Variants in NEO1 observed in about 807,000 individuals in gnomAD.
NEO1 encodes the protein neogenin 1.
In NEO1, 63 loss-of-function variants were observed where a neutral mutation model predicts 159.7. That is an observed-to-expected ratio of 0.39 (90% confidence interval 0.32 to 0.49). NEO1 has a LOEUF of 0.49. Among genes scored for constraint, NEO1 ranks in the 20% least tolerant of loss-of-function variants. NEO1 has a pLI of 0.85. For synonymous variants in NEO1, 633 were observed against 662.0 expected (o/e 0.96, Z 0.67); for missense variants, 1,615 against 1,831.0 (o/e 0.88, Z 2.15).
chr15:73,224,444 A>G (rs8039262), intron 7 of NEO1, among the ~76,000 whole-genome samples: 479 of 152,270 alleles, frequency 3.1e-3, no homozygotes, highest in African/African-American at 0.011. Flanking sequence ...AGGAACACCA[A>G]TTATTCTTAG....
intron 8 of NEO1, among the ~76,000 whole-genome samples, chr15:73,239,479 C>T (rs192585782): frequency 2.0e-5 from 3 of 152,252 alleles, no homozygotes; most frequent in Admixed American, 6.5e-5. Context: ...AATATACAAT[C>T]GTGCATCACA....
chr15:73,265,604 C>G (rs969711381), intron 15 of NEO1, among the ~76,000 whole-genome samples: 2 of 152,336 alleles, frequency 1.3e-5, no homozygotes, highest in South Asian at 2.1e-4. Context: ...GTGAATGACA[C>G]TGCTATCTAC....
intron 27 of NEO1, among the ~76,000 whole-genome samples, chr15:73,299,057 AG>A (rs1307583068): frequency 6.6e-6 from 1 of 152,178 alleles, no homozygotes; most frequent in Non-Finnish European, 1.5e-5. Context: ...AATCCTGTGA[AG>A]GGAAAGTCAT....
intron 1 of NEO1, among the ~76,000 whole-genome samples, chr15:73,053,233 T>C (rs1380988264): frequency 6.6e-6 from 1 of 152,142 alleles, no homozygotes; most frequent in Non-Finnish European, 1.5e-5. Context: ...GGGCTTGAGC[T>C]CCTGGTTCCC....
At chr15:73,210,857 T>C (rs1302510695) in intron 7 of NEO1, among the ~76,000 whole-genome samples, 1 of 152,212 alleles carries the variant, frequency 6.6e-6, no homozygotes, top group Non-Finnish European at 1.5e-5. Context: ...ACGCACTATA[T>C]AAGCTCATGT....
At chr15:73,113,911 G>A (rs2071145294) in intron 1 of NEO1, among the ~76,000 whole-genome samples, 1 of 152,060 alleles carries the variant, frequency 6.6e-6, no homozygotes, top group Non-Finnish European at 1.5e-5. Context: ...AAAAGAAATA[G>A]GATGGTTAGC....
chr15:73,098,695 A>G (rs1389400743), intron 1 of NEO1, among the ~76,000 whole-genome samples: 1 of 152,224 alleles, frequency 6.6e-6, no homozygotes, highest in African/African-American at 2.4e-5. Flanking sequence ...TACTACAAGT[A>G]GTGGTACAGT....
intron 5 of NEO1, among the ~76,000 whole-genome samples, chr15:73,159,839 A>G (rs2034043461): frequency 6.6e-6 from 1 of 152,170 alleles, no homozygotes; most frequent in South Asian, 2.1e-4. Flanking sequence ...ATTTTTATAG[A>G]TATTACTAAA....
chr15:73,258,404 A>T (rs1390074479), intron 13 of NEO1, among the ~76,000 whole-genome samples: 1 of 151,860 alleles, frequency 6.6e-6, no homozygotes, highest in Non-Finnish European at 1.5e-5. Context: ...CTTTTTTATA[A>T]CTCTTTCATT....
chr15:73,247,890 A>G (rs954846541), intron 9 of NEO1, among the ~76,000 whole-genome samples: 4 of 152,188 alleles, frequency 2.6e-5, no homozygotes, highest in African/African-American at 9.7e-5. Flanking sequence ...CCAGCTAGAC[A>G]CTTAAGCAGT....
At chr15:73,090,836 C>T (rs1301041249) in intron 1 of NEO1, among the ~76,000 whole-genome samples, 1 of 152,080 alleles carries the variant, frequency 6.6e-6, no homozygotes, top group African/African-American at 2.4e-5. Context: ...AAATTACACC[C>T]TATAGCATAT....
At chr15:73,089,383 T>G in intron 1 of NEO1, among the ~76,000 whole-genome samples, 1 of 152,246 alleles carries the variant, frequency 6.6e-6, no homozygotes, top group South Asian at 2.1e-4. Flanking sequence ...TCCTAGGCAA[T>G]ATTTTTTTTT....
intron 14 of NEO1, among the ~76,000 whole-genome samples, chr15:73,260,005 T>G (rs2040547078): frequency 6.6e-6 from 1 of 152,060 alleles, no homozygotes; most frequent in Non-Finnish European, 1.5e-5. Context: ...GAGGTTCTTG[T>G]ATCTCTTTGT....
chr15:73,288,734 A>C (rs1175258655), intron 24 of NEO1, among the ~76,000 whole-genome samples, 183 bp downstream of exon 24: 1 of 151,956 alleles, frequency 6.6e-6, no homozygotes, highest in Non-Finnish European at 1.5e-5. Context: ...TGGGAGAGAG[A>C]TTCTGTAGCC....
chr15:73,170,999 G>A (rs1041937885), intron 5 of NEO1, among the ~76,000 whole-genome samples: 2 of 150,220 alleles, frequency 1.3e-5, no homozygotes, highest in South Asian at 4.4e-4. Flanking sequence ...AAGTAGTCTC[G>A]GGGGAAAAAA....
intron 9 of NEO1, among the ~76,000 whole-genome samples, chr15:73,246,137 A>C (rs1476995198): frequency 6.6e-6 from 1 of 152,216 alleles, no homozygotes; most frequent in East Asian, 1.9e-4. Context: ...ATGGCATATC[A>C]TTCACCTGTC....
chr15:73,091,407 T>G (rs1347533780), intron 1 of NEO1, among the ~76,000 whole-genome samples: 1 of 152,206 alleles, frequency 6.6e-6, no homozygotes, highest in African/African-American at 2.4e-5. Context: ...TCGGGTTTCA[T>G]TATTTTAAAG....
rs1448614535 is a variant in NEO1 at position 73,052,716 on chromosome 15, C to G, written c.41C>G (p.Pro14Arg). Reference protein sequence around the residue: ...ERGARRLLSTPSFWLYCLLLL... With the variant: ...ERGARRLLSTRSFWLYCLLLL... ...GGAGCCCGGCGACTCCTCAGCACCC[C>G]CTCCTTCTGGCTCTACTGCCTGCTG... The change falls in exon 1 of 29, where the codon CCC becomes CGC. Residue 14 changes from proline (P) to arginine (R), a missense_variant. Transcript: ENST00000261908. The G allele has an allele frequency of 1.5e-6, 2 of 1,361,848 alleles. No individual in the cohort carries two copies. Among genetic ancestry groups the G allele is most frequent in the South Asian group, 1.6e-5 (1 of 62,856 alleles). 84.4% of individuals were successfully genotyped at this position (1,361,848 alleles called of 1,614,324 possible).
At chr15:73,232,822 G>A (rs1277060214) in intron 7 of NEO1, among the ~76,000 whole-genome samples, 1 of 152,120 alleles carries the variant, frequency 6.6e-6, no homozygotes, top group Non-Finnish European at 1.5e-5. Flanking sequence ...CATATCAAAT[G>A]AGCTCTTCTG....
Sources: gnomAD v4.1 joint callset for allele counts (sites outside exome capture counted in the v4.1 genomes callset) on GRCh38, gnomAD v4.1.1 for gene constraint, MANE v1.5 for transcripts, NCBI Gene and HGNC (gene_info 2026-07-23, HGNC 2026-07-21) for gene names.